The following SLCO5A1 variants were observed in gnomAD, a reference collection of about 807,000 sequenced individuals.
The protein encoded by SLCO5A1 is solute carrier organic anion transporter family member 5A1, also known as organic anion transporter polypeptide-related protein 4.
Under a neutral mutation model 65.1 loss-of-function variants are expected in SLCO5A1, and 39 were observed. That is an observed-to-expected ratio of 0.60 (90% CI 0.46 to 0.78). The LOEUF (loss-of-function observed/expected upper bound fraction) is 0.78, where lower values mean the gene tolerates loss of function less well. SLCO5A1 is among the 30% of genes least tolerant of loss of function. The pLI, the probability that SLCO5A1 is intolerant of heterozygous loss-of-function variation, is 0.00. For missense variants in SLCO5A1, 1,029 were observed against 1,069.4 expected (o/e 0.96, Z 0.53); for synonymous variants, 438 against 415.7 (o/e 1.05, Z -0.65).
At chr8:69,741,267 A>C (rs116488042) in intron 4 of SLCO5A1, among the ~76,000 whole-genome samples, 1 of 152,238 alleles carries the variant, frequency 6.6e-6, no homozygotes, top group Non-Finnish European at 1.5e-5. Flanking sequence ...TCCTTCAGGC[A>C]TGAGTTACAG....
chr8:69,749,574 C>T (rs566585449), intron 4 of SLCO5A1, among the ~76,000 whole-genome samples: 6 of 151,544 alleles, frequency 4.0e-5, no homozygotes, highest in Non-Finnish European at 7.4e-5. Flanking sequence ...GCAGAGATCA[C>T]GCCACTGCAC....
chr8:69,777,643 T>C (rs149856016), intron 2 of SLCO5A1, among the ~76,000 whole-genome samples: 3 of 152,344 alleles, frequency 2.0e-5, no homozygotes, highest in African/African-American at 7.2e-5. Flanking sequence ...TCTTAAGTTT[T>C]AAATTGCATG....
At chr8:69,822,131 TAAAATAAAATAG>T (rs991924433) in intron 2 of SLCO5A1, among the ~76,000 whole-genome samples, 1 of 151,862 alleles carries the variant, frequency 6.6e-6, no homozygotes, top group Non-Finnish European at 1.5e-5. Context: ...TGTCTCAAAA[TAAAATAAAATAG>T]AAAATAAAAA....
Position 69,705,133 on chromosome 8 carries a change from G to A in SLCO5A1, c.1520C>T (p.Ala507Val). Residue 507 changes from alanine (A) to valine (V), a missense_variant, in exon 6 of 10, where the codon GCA (alanine) becomes GTA (valine). This residue lies in a region of SLCO5A1 where 647 missense variants were observed against 647.5 expected (regional missense o/e 1.00). Transcript: ENST00000260126. Reference protein sequence around the residue: ...KLGARESAKLAMICSGVSLLC... With the variant: ...KLGARESAKLVMICSGVSLLC... ...TAAAGACACACCACTGCAGATCATT[G>A]CTAGTTTTGCAGATTCTCTGGCACC... is the stretch of plus-strand genomic sequence containing the variant. 1 of 1,614,096 alleles carries A rather than the reference G, an allele frequency of 6.2e-7. No homozygotes were observed. Among genetic ancestry groups the A allele is most frequent in the Non-Finnish European group, 8.5e-7 (1 of 1,179,984 alleles).
At chr8:69,770,740 C>G (rs927413413) in intron 2 of SLCO5A1, among the ~76,000 whole-genome samples, 12 of 152,186 alleles carry the variant, frequency 7.9e-5, no homozygotes, top group African/African-American at 2.9e-4. Context: ...AGCTTCCTAG[C>G]TGCCTCCTCA....
rs545708690 is a variant in SLCO5A1 at position 69,832,706 on chromosome 8, C to T, written c.-33G>A. 2 of 1,561,838 alleles carry T rather than the reference C, an allele frequency of 1.3e-6. No individual in the cohort carries two copies. The highest frequency in any genetic ancestry group is 3.7e-5 in the Admixed American group (2 of 54,272). On this transcript the variant is annotated 5_prime_UTR_variant, in exon 2 of 10. Coordinates refer to ENST00000260126, the MANE Select transcript of SLCO5A1 (RefSeq NM_030958.3). This position sits in a 1 kb window ranked among gnomAD's most constrained non-coding sequence, Gnocchi z 4.5. ...AGAATTCAGATTTGATAGCTGATGG[C>T]ACCCAAGCACTCCGGCACGTTTCAT...
chr8:69,759,112 C>T (rs1817648743), intron 3 of SLCO5A1, among the ~76,000 whole-genome samples: 1 of 152,158 alleles, frequency 6.6e-6, no homozygotes, highest in African/African-American at 2.4e-5. Context: ...AATAAGCACC[C>T]AATACATTTT....
intron 6 of SLCO5A1, among the ~76,000 whole-genome samples, chr8:69,701,155 T>G (rs537974141): frequency 1.6e-4 from 24 of 152,276 alleles, no homozygotes; most frequent in African/African-American, 4.8e-4. Flanking sequence ...TTGAGATACT[T>G]TTTGAGCTCT....
intron 5 of SLCO5A1, among the ~76,000 whole-genome samples, chr8:69,728,669 C>T (rs544195163): frequency 4.7e-4 from 71 of 152,168 alleles, no homozygotes; most frequent in African/African-American, 1.6e-3. Context: ...ATAAATAATA[C>T]TGAGAATTGG....
chr8:69,721,385 G>C (rs943575626), intron 5 of SLCO5A1, among the ~76,000 whole-genome samples: 1 of 152,104 alleles, frequency 6.6e-6, no homozygotes, highest in East Asian at 1.9e-4. Context: ...TAACACAAGA[G>C]CCCAGAGATC....
At chr8:69,783,821 G>A (rs917139339) in intron 2 of SLCO5A1, among the ~76,000 whole-genome samples, 7 of 152,066 alleles carry the variant, frequency 4.6e-5, no homozygotes, top group African/African-American at 9.7e-5. Context: ...TGATAATTGC[G>A]GTGGAGATAC....
At chr8:69,759,425 T>C (rs1356150736) in intron 3 of SLCO5A1, among the ~76,000 whole-genome samples, 4 of 152,172 alleles carry the variant, frequency 2.6e-5, no homozygotes, top group Non-Finnish European at 5.9e-5. Context: ...TAACACATAC[T>C]GTACAGCAGG....
At chr8:69,678,579 C>T (rs187216383) in intron 8 of SLCO5A1, among the ~76,000 whole-genome samples, 1 of 152,086 alleles carries the variant, frequency 6.6e-6, no homozygotes, top group African/African-American at 2.4e-5. Flanking sequence ...TGTTTATTTC[C>T]AGGCCTTCTC....
At chr8:69,744,180 T>C (rs553440694) in intron 4 of SLCO5A1, among the ~76,000 whole-genome samples, 3 of 152,180 alleles carry the variant, frequency 2.0e-5, no homozygotes, top group Non-Finnish European at 4.4e-5. Context: ...AACTTTGTTT[T>C]AATGATATAT....
chr8:69,828,799 A>G (rs1821040251), intron 2 of SLCO5A1, among the ~76,000 whole-genome samples: 1 of 152,176 alleles, frequency 6.6e-6, no homozygotes, highest in South Asian at 2.1e-4. Context: ...AGCACAGAAT[A>G]TGCATTTCAT....
At chr8:69,714,472 G>T in intron 5 of SLCO5A1, among the ~76,000 whole-genome samples, 1 of 152,140 alleles carries the variant, frequency 6.6e-6, no homozygotes, top group East Asian at 1.9e-4. Flanking sequence ...CAGATAAGCT[G>T]GGGGGATAGC....
chr8:69,714,926 T>C (rs1011070253), intron 5 of SLCO5A1: 2 of 152,114 alleles, frequency 1.3e-5, no homozygotes, highest in Admixed American at 1.3e-4. Context: ...GAAGGAAAGG[T>C]AATAAAAAGG....
In SLCO5A1 at chr8:69,742,271, A is replaced by T. The variant is rs189882963; in HGVS notation, c.1259-4067T>A. On this transcript the variant is annotated intron_variant, in intron 4 of 9. Transcript: ENST00000260126. ...CAAAGAAGTTGTTAAACCTTCCTAA[A>T]TTTGCAACCAAATACTTAATTTTTA... 1.6e-4 allele frequency among the ~76,000 whole-genome samples: 24 copies of T among 152,326 alleles called. No individual in the cohort carries two copies. In the East Asian group the frequency reaches 4.6e-3, roughly 29 times the overall value.
rs1586751688 is a variant in SLCO5A1, at chr8:69,746,254, T to C, written c.1259-8050A>G. The stretch of plus-strand genomic sequence containing the variant: ...AGAAAAATAAAAAAAGAAATTTCCT[T>C]AGGATAGATATTGCCAGGCATTTAT... On this transcript the variant is annotated intron_variant, in intron 4 of 9. Coordinates refer to ENST00000260126, the MANE Select transcript of SLCO5A1 (RefSeq NM_030958.3). Among the ~76,000 whole-genome samples, 3 of 152,264 alleles carry C rather than the reference T, an allele frequency of 2.0e-5. No individual in the cohort carries two copies. In the East Asian group the frequency reaches 5.8e-4, roughly 29 times the overall value.
Sources: gnomAD v4.1 joint callset for allele counts (sites outside exome capture counted in the v4.1 genomes callset) on GRCh38, gnomAD v4.1.1 for gene constraint, gnomAD v4.1.1 regional missense constraint, Gnocchi (gnomAD v3.1) non-coding constraint, MANE v1.5 for transcripts, NCBI Gene and HGNC (gene_info 2026-07-23, HGNC 2026-07-21) for gene names.